The following INTS9 variants were observed in gnomAD, a reference collection of about 807,000 sequenced individuals.
The protein encoded by INTS9 is integrator complex subunit 9.
Under a neutral mutation model 79.7 loss-of-function variants are expected in INTS9, and 55 were observed. That is an observed-to-expected ratio of 0.69 (90% CI 0.56 to 0.86). The LOEUF is 0.86. Ranked by LOEUF, INTS9 falls within the 40% of genes least tolerant of loss-of-function variation. INTS9 has a pLI of 0.00. For synonymous variants in INTS9, 319 were observed against 325.2 expected (o/e 0.98, Z 0.20); for missense variants, 721 against 831.5 (o/e 0.87, Z 1.64).
intron 1 of INTS9, among the ~76,000 whole-genome samples, chr8:28,871,477 T>C (rs573509888): frequency 2.0e-5 from 3 of 152,158 alleles, no homozygotes; most frequent in Admixed American, 6.5e-5. Context: ...TGATTACGGC[T>C]CACCGCAGCC....
rs1563317665 is a variant in INTS9 at position 28,880,258 on chromosome 8, CTCCCTCTCCCTCTCCCT to C, written c.9+9599_9+9615del. On this transcript the variant is annotated intron_variant, in intron 1 of 16. Coordinates refer to ENST00000521022, the MANE Select transcript of INTS9 (RefSeq NM_018250.4). ...TCTCCCTCTCCCTCTCCCTCTCCCT[CTCCCTCTCCCTCTCCCT>C]CTCTCTCCCTCCACGGTCTCCCTCT... Among the ~76,000 whole-genome samples the C allele has an allele frequency of 3.1e-3, 436 of 141,524 alleles. 2 individuals carry two copies. Among genetic ancestry groups the C allele is most frequent in the African/African-American group, 0.011 (424 of 39,036 alleles). 92.8% of individuals were successfully genotyped at this position (141,524 alleles called of 152,430 possible).
chr8:28,768,773 C>T (rs1169408398), intron 16 of INTS9, among the ~76,000 whole-genome samples: 2 of 152,180 alleles, frequency 1.3e-5, no homozygotes, highest in African/African-American at 4.8e-5. Context: ...TCAGCTATTG[C>T]TAATGCTAAG....
At chr8:28,827,297 G>A (rs1806203317) in intron 6 of INTS9, among the ~76,000 whole-genome samples, 1 of 152,192 alleles carries the variant, frequency 6.6e-6, no homozygotes, top group Non-Finnish European at 1.5e-5. Flanking sequence ...GCTCTGACAT[G>A]ATGCCAAAGC....
At chr8:28,868,611 T>TA (rs1198366051) in intron 1 of INTS9, among the ~76,000 whole-genome samples, 7 of 152,340 alleles carry the variant, frequency 4.6e-5, no homozygotes, top group African/African-American at 1.7e-4. Context: ...ACATTGATGT[T>TA]AGCCTGAATG....
intron 3 of INTS9, among the ~76,000 whole-genome samples, chr8:28,847,303 T>C (rs535495462): frequency 1.3e-5 from 2 of 152,124 alleles, no homozygotes; most frequent in Non-Finnish European, 2.9e-5. Flanking sequence ...CTACATAAAC[T>C]GTTTAGAAGC....
At chr8:28,809,695 G>A (rs1804998271) in intron 8 of INTS9, among the ~76,000 whole-genome samples, 2 of 152,070 alleles carry the variant, frequency 1.3e-5, no homozygotes, top group Admixed American at 1.3e-4. Flanking sequence ...TGTCTTTTAT[G>A]GAAGAACATA....
intron 1 of INTS9, among the ~76,000 whole-genome samples, chr8:28,881,036 G>A (rs1809729375): frequency 1.3e-5 from 2 of 151,138 alleles, no homozygotes; most frequent in African/African-American, 2.4e-5. Flanking sequence ...CCCCGTCTGA[G>A]AAGTGAGGAG....
intron 1 of INTS9, among the ~76,000 whole-genome samples, chr8:28,882,987 C>G (rs1238090463): frequency 3.3e-5 from 5 of 152,186 alleles, no homozygotes; most frequent in Non-Finnish European, 2.9e-5. Context: ...AGGGTCTTCT[C>G]TATTTTCCCT....
At chr8:28,804,340 C>A (rs1016911652) in intron 8 of INTS9, among the ~76,000 whole-genome samples, 3 of 152,158 alleles carry the variant, frequency 2.0e-5, no homozygotes, top group African/African-American at 7.2e-5. Context: ...AGGGGTCTTG[C>A]AATGAGGACA....
chr8:28,813,616 C>A lies in INTS9; in HGVS notation c.489-4G>T. On this transcript the variant is annotated splice_polypyrimidine_tract_variant and splice_region_variant and intron_variant, in intron 6 of 16. Transcript: ENST00000521022. ...CTTGAGAGGAGAAGGTAACAGCCTG[C>A]AAATGGATCACAATGTCAACTACCA... The A allele has an allele frequency of 6.2e-7, 1 of 1,612,960 alleles. No individual in the cohort carries two copies.
At chr8:28,868,315 T>C (rs1808876396) in intron 1 of INTS9, among the ~76,000 whole-genome samples, 1 of 152,234 alleles carries the variant, frequency 6.6e-6, no homozygotes, top group South Asian at 2.1e-4. Flanking sequence ...AGTGAGAAGA[T>C]TCTCTTACTG....
chr8:28,787,060 C>CT (rs1249332204), intron 11 of INTS9, among the ~76,000 whole-genome samples: 1 of 152,020 alleles, frequency 6.6e-6, no homozygotes, highest in African/African-American at 2.4e-5. Context: ...TTTAGAGAAT[C>CT]TTTGAGTGAA....
At chr8:28,886,847 G>C (rs1315258330) in intron 1 of INTS9, among the ~76,000 whole-genome samples, 2 of 152,132 alleles carry the variant, frequency 1.3e-5, no homozygotes, top group Non-Finnish European at 2.9e-5. Flanking sequence ...AAACTACATA[G>C]CAAATACTTA....
At chr8:28,880,351 C>T (rs950487502) in intron 1 of INTS9, among the ~76,000 whole-genome samples, 1 of 151,646 alleles carries the variant, frequency 6.6e-6, no homozygotes, top group Non-Finnish European at 1.5e-5. Flanking sequence ...CTCACTGCAA[C>T]CTCCCTGCCT....
At chr8:28,881,819 CG>C (rs1375703364) in intron 1 of INTS9, among the ~76,000 whole-genome samples, 5 of 140,686 alleles carry the variant, frequency 3.6e-5, no homozygotes, top group African/African-American at 8.0e-5. Context: ...CCGCCCCGTC[CG>C]GGAGGGTGGT....
At chr8:28,832,581 G>A (rs1806557029) in intron 6 of INTS9, among the ~76,000 whole-genome samples, 2 of 152,194 alleles carry the variant, frequency 1.3e-5, no homozygotes, top group African/African-American at 4.8e-5. Flanking sequence ...TGGCTGTCTG[G>A]GTTTGAATCC....
intron 6 of INTS9, among the ~76,000 whole-genome samples, chr8:28,830,481 G>A (rs938720323): frequency 2.0e-5 from 3 of 151,690 alleles, no homozygotes; most frequent in East Asian, 1.9e-4. Context: ...AAAAATTAGC[G>A]GGCATGGTGG....
At position 28,775,746 on chromosome 8, in the gene INTS9, G is replaced by T; in HGVS notation, c.1563+13C>A. Reference sequence around the variant, plus strand: ...AAAGCTCTAGTTTAACCCTAGGAAGGAGAACAGCTCACCTCTGGCATGATC... The same window carrying T: ...AAAGCTCTAGTTTAACCCTAGGAAGTAGAACAGCTCACCTCTGGCATGATC... On this transcript the variant is annotated intron_variant, in intron 14 of 16. Transcript: ENST00000521022. 6.2e-7 allele frequency: 1 copy of T among 1,613,792 alleles called. No individual in the cohort carries two copies.
chr8:28,770,946 A>G, intron 15 of INTS9, 36 bp downstream of exon 15: 2 of 1,458,716 alleles, frequency 1.4e-6, no homozygotes, highest in Non-Finnish European at 9.6e-7. Flanking sequence ...CTTGCTGGGG[A>G]GAGGGTCCCC....
Sources: allele counts gnomAD v4.1 joint callset (sites outside exome capture counted in the v4.1 genomes callset), GRCh38; gene constraint gnomAD v4.1.1; transcripts MANE v1.5; gene names NCBI Gene and HGNC (gene_info 2026-07-23, HGNC 2026-07-21).